Variants in CLIP1 observed in about 807,000 individuals in gnomAD.
The protein encoded by CLIP1 is CAP-Gly domain-containing linker protein 1.
Under a neutral mutation model 161.6 loss-of-function variants are expected in CLIP1, and 66 were observed. That is an observed-to-expected ratio of 0.41 (90% CI 0.33 to 0.50). The LOEUF (loss-of-function observed/expected upper bound fraction) is 0.50. CLIP1 is among the 20% of genes least tolerant of loss of function. CLIP1 has a pLI of 0.27. For missense variants in CLIP1, 1,376 were observed against 1,702.0 expected (o/e 0.81, Z 3.37); for synonymous variants, 598 against 626.2 (o/e 0.96, Z 0.67).
intron 1 of CLIP1, among the ~76,000 whole-genome samples, chr12:122,415,338 C>A (rs1275944734): frequency 3.3e-5 from 5 of 150,818 alleles, no homozygotes; most frequent in Non-Finnish European, 5.9e-5. Context: ...AAAAATTAGC[C>A]GGGTGTGGTG....
At chr12:122,330,535 G>A (rs1337680643) in intron 15 of CLIP1, among the ~76,000 whole-genome samples, 1 of 146,168 alleles carries the variant, frequency 6.8e-6, no homozygotes, top group East Asian at 2.0e-4. Context: ...AAGAATTCCA[G>A]AATAAAGACA....
In CLIP1 at chr12:122,324,466, A is replaced by T. The variant is rs564970535; in HGVS notation, c.3249+3481T>A. On this transcript the variant is annotated intron_variant, in intron 17 of 25. Transcript: ENST00000620786. ...AGCCCAAATAACTTAATGTAACCTA[A>T]ATGATAAAAACTTTACAATTTCTAC... 3 of 152,368 alleles carry T rather than the reference A, an allele frequency of 2.0e-5. No homozygotes were observed. The South Asian group carries it at 6.2e-4, about 32-fold the overall frequency. The allele number at this position is 152,368 out of a possible 1,614,324, so 9.4% of individuals were successfully genotyped here.
chr12:122,341,905 TC>T (rs1952529699), intron 10 of CLIP1: 1 of 359,712 alleles, frequency 2.8e-6, no homozygotes, highest in South Asian at 5.9e-5. Context: ...TGCCTCAGCC[TC>T]CTGAGTAGCT....
chr12:122,345,788 T>TC (rs1268569034), intron 10 of CLIP1, among the ~76,000 whole-genome samples: 1 of 148,052 alleles, frequency 6.8e-6, no homozygotes, highest in Non-Finnish European at 1.5e-5. Context: ...TATTTCTTTT[T>TC]CTTTTTTTTT....
chr12:122,286,700 TA>T (rs894158963), intron 21 of CLIP1, among the ~76,000 whole-genome samples: 5 of 150,854 alleles, frequency 3.3e-5, no homozygotes, highest in African/African-American at 1.2e-4. Context: ...CTTGTCACTA[TA>T]AAAAAAAATT....
At chr12:122,414,619 C>CATGCCTGG (rs1593275701) in intron 1 of CLIP1, among the ~76,000 whole-genome samples, 1 of 152,074 alleles carries the variant, frequency 6.6e-6, no homozygotes, top group East Asian at 1.9e-4. Flanking sequence ...CACCTGCCAC[C>CATGCCTGG]ATGCCTGGTT....
chr12:122,406,184 C>T (rs1956322503), intron 1 of CLIP1, among the ~76,000 whole-genome samples: 1 of 152,076 alleles, frequency 6.6e-6, no homozygotes, highest in African/African-American at 2.4e-5. Flanking sequence ...GTGGCTCACG[C>T]CCATAATCCC....
intron 8 of CLIP1, 70 bp downstream of exon 8, chr12:122,352,656 G>T: frequency 1.5e-6 from 2 of 1,326,252 alleles, no homozygotes; most frequent in Non-Finnish European, 2.2e-6. Flanking sequence ...ATTTCAATTG[G>T]TGCATTATTT....
At chr12:122,389,476 G>C (rs1006300426) in intron 1 of CLIP1, among the ~76,000 whole-genome samples, 6 of 151,820 alleles carry the variant, frequency 4.0e-5, no homozygotes, top group Non-Finnish European at 8.8e-5. Context: ...AATTTATAAA[G>C]GGCCGGGTGC....
At chr12:122,356,600 C>T (rs1370000788) in intron 5 of CLIP1, among the ~76,000 whole-genome samples, 1 of 150,500 alleles carries the variant, frequency 6.6e-6, no homozygotes, top group Non-Finnish European at 1.5e-5. Flanking sequence ...AATTGGGTCC[C>T]TCTCCCTCTC....
At chr12:122,291,573 A>T (rs921489436) in intron 20 of CLIP1, among the ~76,000 whole-genome samples, 1 of 152,018 alleles carries the variant, frequency 6.6e-6, no homozygotes, top group African/African-American at 2.4e-5. Context: ...GTCAGTTTGG[A>T]TTCGTCTGAT....
chr12:122,340,629 G>T, intron 11 of CLIP1, 124 bp downstream of exon 11: 1 of 727,142 alleles, frequency 1.4e-6, no homozygotes, highest in Non-Finnish European at 2.2e-6. Flanking sequence ...TACTCAACTG[G>T]GGACATCAAG....
intron 1 of CLIP1, among the ~76,000 whole-genome samples, chr12:122,408,209 A>G (rs946249390): frequency 4.5e-4 from 67 of 148,908 alleles, no homozygotes; most frequent in African/African-American, 1.5e-3. Flanking sequence ...GGCCTAGACG[A>G]TAAGAATGAT....
At chr12:122,334,845 T>C in intron 12 of CLIP1, 140 bp from the exon 13 acceptor site, 1 of 637,424 alleles carries the variant, frequency 1.6e-6, no homozygotes, top group African/African-American at 1.8e-5. Context: ...CTCAAACATA[T>C]GACACCAATT....
chr12:122,340,091 T>C (rs536137586), intron 11 of CLIP1, among the ~76,000 whole-genome samples: 18 of 151,540 alleles, frequency 1.2e-4, no homozygotes, highest in African/African-American at 3.1e-4. Context: ...TTTTTTTTTT[T>C]CCTTTAGACA....
chr12:122,315,797 C>T (rs921017097), intron 19 of CLIP1, among the ~76,000 whole-genome samples: 2 of 151,760 alleles, frequency 1.3e-5, no homozygotes, highest in South Asian at 2.1e-4. Context: ...TCCGCCACCA[C>T]GCCCGGCTAA....
chr12:122,390,279 C>CATATATATATATATATATACATAT (rs1955578554), intron 1 of CLIP1, among the ~76,000 whole-genome samples: 1 of 78,984 alleles, frequency 1.3e-5, no homozygotes, highest in African/African-American at 3.8e-5. Context: ...TATATATATA[C>CATATATATATATATATATACATAT]ATATATATAT....
At chr12:122,306,147 C>T (rs1441303227) in intron 20 of CLIP1, among the ~76,000 whole-genome samples, 7 of 151,730 alleles carry the variant, frequency 4.6e-5, no homozygotes, top group African/African-American at 1.7e-4. Context: ...AGCTTCCTGC[C>T]CTAGAACATT....
chr12:122,274,222 A>C (rs1955298648), intron 24 of CLIP1, 60 bp from the exon 25 acceptor site: 1 of 1,462,144 alleles, frequency 6.8e-7, no homozygotes, highest in African/African-American at 1.4e-5. Context: ...TGGAGCATCA[A>C]GAAGTCATGA....
Sources: gnomAD v4.1 joint callset for allele counts (sites outside exome capture counted in the v4.1 genomes callset) on GRCh38, gnomAD v4.1.1 for gene constraint, MANE v1.5 for transcripts, NCBI Gene and HGNC (gene_info 2026-07-23, HGNC 2026-07-21) for gene names.